TCF4: variants seen among roughly 807,000 people sequenced by gnomAD.
TCF4 encodes transcription factor 4.
A neutral mutation model predicts 82.1 loss-of-function variants in TCF4; 3 were observed. The observed-to-expected ratio is 0.04, with a 90% CI of 0.02 to 0.09. TCF4 has a LOEUF of 0.09. TCF4 is among the 10% of genes least tolerant of loss of function. The pLI, the probability that TCF4 is intolerant of heterozygous loss-of-function variation, is 1.00. For synonymous variants in TCF4, 276 were observed against 309.6 expected (o/e 0.89, Z 1.14); for missense variants, 518 against 852.7 (o/e 0.61, Z 4.89).
chr18:55,383,454 T>A (rs1476841134), intron 6 of TCF4, among the ~76,000 whole-genome samples: 2 of 152,278 alleles, frequency 1.3e-5, no homozygotes, highest in Middle Eastern at 3.4e-3. Context: ...AGCACCCCCA[T>A]CCTGCAAGCA....
intron 2 of TCF4, among the ~76,000 whole-genome samples, chr18:55,629,964 T>C (rs181748636): frequency 1.1e-3 from 165 of 152,278 alleles, no homozygotes; most frequent in African/African-American, 3.7e-3. Context: ...CCAAGGTGAA[T>C]GTCATGCCCT....
At position 55,586,155 on chromosome 18, in the gene TCF4, GCA is replaced by G. The variant is rs2097646242; in HGVS notation, c.73-805_73-804del. The G allele has an allele frequency of 0.029, 2,574 of 89,804 alleles. 114 individuals are homozygous for G. The African/African-American group carries it at 0.3, about 10-fold the overall frequency. 5.6% of individuals were successfully genotyped at this position (89,804 alleles called of 1,614,324 possible). ...AGGAGAAGGAGGAGGAGGAGGAGGAGCAGCAGCAGCAGCAGCAGCAGCAGCAG... is the reference window on the plus strand; with the variant it reads ...AGGAGAAGGAGGAGGAGGAGGAGGAGGCAGCAGCAGCAGCAGCAGCAGCAG... On this transcript the variant is annotated intron_variant, in intron 2 of 19. Coordinates refer to ENST00000354452, the MANE Select transcript of TCF4 (RefSeq NM_001083962.2).
intron 5 of TCF4, among the ~76,000 whole-genome samples, chr18:55,441,984 T>C (rs2095445657): frequency 2.0e-5 from 3 of 152,242 alleles, no homozygotes; most frequent in Non-Finnish European, 4.4e-5. Flanking sequence ...TAATTGGTAA[T>C]GCTTTTAAGC....
intron 6 of TCF4, among the ~76,000 whole-genome samples, chr18:55,400,066 T>TA (rs984104545): frequency 6.6e-6 from 1 of 151,988 alleles, no homozygotes; most frequent in Non-Finnish European, 1.5e-5. Context: ...ATCATCTCAT[T>TA]AAAAAAATAG....
intron 5 of TCF4, among the ~76,000 whole-genome samples, chr18:55,456,067 G>A (rs1457260389): frequency 2.0e-5 from 3 of 152,154 alleles, no homozygotes; most frequent in African/African-American, 7.2e-5. Flanking sequence ...CTAAACTCAG[G>A]GTAGCCATAA....
intron 8 of TCF4, among the ~76,000 whole-genome samples, chr18:55,349,334 T>C (rs1192110366): frequency 2.0e-5 from 3 of 152,242 alleles, no homozygotes; most frequent in African/African-American, 7.2e-5. Flanking sequence ...GGTGTTTGGG[T>C]TAATCTAATC....
chr18:55,588,542 G>T, upstream of TCF4: 1 of 1,530,536 alleles, frequency 6.5e-7, no homozygotes, highest in Non-Finnish European at 8.7e-7. Flanking sequence ...GCATCCCTCG[G>T]AGGCACTTTG....
intron 6 of TCF4, among the ~76,000 whole-genome samples, chr18:55,373,871 A>G (rs2090032004): frequency 6.6e-6 from 1 of 152,112 alleles, no homozygotes; most frequent in Non-Finnish European, 1.5e-5. Context: ...TCAAATGCAT[A>G]TGAAATGCTT....
chr18:55,436,862 A>C (rs2095340260), intron 5 of TCF4, among the ~76,000 whole-genome samples: 1 of 152,234 alleles, frequency 6.6e-6, no homozygotes, highest in Non-Finnish European at 1.5e-5. Context: ...AAAACTCATA[A>C]AATCAAACAA....
At chr18:55,402,144 G>C (rs1438567683) in intron 6 of TCF4, 3 of 985,282 alleles carry the variant, frequency 3.0e-6, no homozygotes, top group Non-Finnish European at 3.6e-6. Flanking sequence ...ACTGCACTCC[G>C]GCAGGAGCTC....
At chr18:55,292,317 T>C (rs2065277506) in intron 8 of TCF4, among the ~76,000 whole-genome samples, 1 of 152,192 alleles carries the variant, frequency 6.6e-6, no homozygotes, top group Non-Finnish European at 1.5e-5. Flanking sequence ...TAAACTTTGC[T>C]AACTAAATTA....
chr18:55,538,087 A>AG (rs919158950), intron 3 of TCF4, among the ~76,000 whole-genome samples: 1 of 151,968 alleles, frequency 6.6e-6, no homozygotes, highest in Non-Finnish European at 1.5e-5. Flanking sequence ...TCAAATCAAG[A>AG]GAAAAAGGGC....
At chr18:55,307,145 G>A (rs928729973) in intron 8 of TCF4, among the ~76,000 whole-genome samples, 24 of 149,914 alleles carry the variant, frequency 1.6e-4, no homozygotes, top group Non-Finnish European at 1.5e-5. Flanking sequence ...CTTTTAGGAA[G>A]AGGGAAAAAA....
chr18:55,422,418 G>GT (rs1569451640), intron 5 of TCF4: 3 of 984,346 alleles, frequency 3.0e-6, no homozygotes, highest in African/African-American at 3.5e-5. Context: ...GGGTTTGGGG[G>GT]GTTTTTTTTA....
intron 3 of TCF4, among the ~76,000 whole-genome samples, chr18:55,531,520 T>C (rs548692105): frequency 1.3e-5 from 2 of 152,272 alleles, no homozygotes; most frequent in Non-Finnish European, 2.9e-5. Flanking sequence ...AACACACACA[T>C]ACATATAAAT....
intron 8 of TCF4, among the ~76,000 whole-genome samples, chr18:55,320,130 A>G (rs2075129395): frequency 6.6e-6 from 1 of 152,132 alleles, no homozygotes. Flanking sequence ...CATCTAAAAG[A>G]TAATAGGCAA....
intron 15 of TCF4, among the ~76,000 whole-genome samples, chr18:55,245,735 G>A (rs1057461330): frequency 4.2e-4 from 64 of 152,074 alleles, no homozygotes; most frequent in African/African-American, 1.5e-3. Flanking sequence ...ATGTGGACTC[G>A]AATATGAGCT....
chr18:55,385,621 G>A (rs1183610640), intron 6 of TCF4, among the ~76,000 whole-genome samples: 4 of 152,122 alleles, frequency 2.6e-5, no homozygotes, highest in South Asian at 2.1e-4. Context: ...GGCCGGTCTC[G>A]AACTCCTGGC....
chr18:55,255,460 C>T (rs1421938081), intron 14 of TCF4, among the ~76,000 whole-genome samples: 1 of 152,138 alleles, frequency 6.6e-6, no homozygotes, highest in Non-Finnish European at 1.5e-5. Context: ...CCATTAAAAA[C>T]CAACCAACCT....
Sources: gnomAD v4.1 joint callset for allele counts (sites outside exome capture counted in the v4.1 genomes callset) on GRCh38, gnomAD v4.1.1 for gene constraint, MANE v1.5 for transcripts, NCBI Gene and HGNC (gene_info 2026-07-23, HGNC 2026-07-21) for gene names.